SRRT: variants seen among roughly 807,000 people sequenced by gnomAD.
SRRT encodes serrate RNA effector molecule homolog.
SRRT carries 32 observed loss-of-function variants against 103.2 expected under a neutral mutation model. The ratio of observed to expected loss-of-function variants is 0.31; its 90% CI spans 0.23 to 0.42. SRRT has a LOEUF of 0.42. Among genes scored for constraint, SRRT ranks in the 10% least tolerant of loss-of-function variants. SRRT has a pLI of 1.00. For synonymous variants in SRRT, 525 were observed against 449.0 expected (o/e 1.17, Z -2.14); for missense variants, 986 against 1,207.5 (o/e 0.82, Z 2.72).
Position 100,888,657 on chromosome 7 carries a change from C to T in SRRT, c.*108C>T. On this transcript the variant is annotated 3_prime_UTR_variant, in exon 20 of 20. Coordinates refer to ENST00000611405, the MANE Select transcript of SRRT (RefSeq NM_015908.6). ...AGCCTTACTGCTAATAAAAGCACTT[C>T]CACAGGGCTCCTGACTCTCGTGTGT... 1 of 1,480,270 alleles carries T rather than the reference C, an allele frequency of 6.8e-7. No individual in the cohort carries two copies. Among genetic ancestry groups the T allele is most frequent in the Non-Finnish European group, 9.4e-7 (1 of 1,061,284 alleles). The allele number at this position is 1,480,270 out of a possible 1,614,324, so 91.7% of individuals were successfully genotyped here.
chr7:100,880,541 G>T (rs1816198709), intron 2 of SRRT, among the ~76,000 whole-genome samples: 1 of 152,124 alleles, frequency 6.6e-6, no homozygotes, highest in South Asian at 2.1e-4. Context: ...TCCTGACCTC[G>T]TGATCCGCCC....
chr7:100,883,593 A>G (rs775684826), intron 5 of SRRT, among the ~76,000 whole-genome samples: 51 of 152,186 alleles, frequency 3.4e-4, no homozygotes, highest in Non-Finnish European at 2.9e-4. Context: ...GGCTTTTGCT[A>G]TCTGGCCCTC....
At position 100,884,441 on chromosome 7, in the gene SRRT, A is replaced by G; in HGVS notation, c.831A>G (p.Ala277=). ...ILEQEEEEEQ[A]GKPGEPSKKE... ...AGCAGGAGGAGGAGGAGGAGCAGGC[A>G]GGAAAGCCTGGGGAGCCCAGCAAGA... Residue 277 remains alanine, a synonymous_variant, in exon 7 of 20, where the codon GCA becomes GCG. Coordinates refer to ENST00000611405, the MANE Select transcript of SRRT (RefSeq NM_015908.6). The G allele has an allele frequency of 6.2e-7, 1 of 1,613,586 alleles. No homozygotes were observed. The highest frequency in any genetic ancestry group is 8.5e-7 in the Non-Finnish European group (1 of 1,179,668).
rs773654969 is a variant in SRRT at position 100,885,987 on chromosome 7, G to C, written c.1458+46G>C. 1 of 1,589,392 alleles carries C rather than the reference G, an allele frequency of 6.3e-7. No individual in the cohort carries two copies. Among genetic ancestry groups the C allele is most frequent in the Non-Finnish European group, 8.6e-7 (1 of 1,158,726 alleles). ...TGTGGGGAAGAGGAAGGGAGACTCT[G>C]TGCCACACGGGACCTCTGTGTGACT... is the stretch of plus-strand genomic sequence containing the variant. On this transcript the variant is annotated intron_variant, in intron 12 of 19. Transcript: ENST00000611405. This position sits in a 1 kb window ranked among gnomAD's most constrained non-coding sequence, Gnocchi z 4.8.
chr7:100,876,185 C>T (rs1269083725), intron 2 of SRRT, among the ~76,000 whole-genome samples: 1 of 151,976 alleles, frequency 6.6e-6, no homozygotes, highest in Non-Finnish European at 1.5e-5. Context: ...AGAGTCTTGC[C>T]CTGTCGCCCA....
In SRRT at chr7:100,885,950, T is replaced by G. The variant is rs1424170268; in HGVS notation, c.1458+9T>G. ...ACCTGCAGAACATCCGTGTGAGTGC[T>G]GGGGGTGGGACTGTGGGGAAGAGGA... is the stretch of plus-strand genomic sequence containing the variant. On this transcript the variant is annotated intron_variant, in intron 12 of 19. Transcript: ENST00000611405. This position sits in a 1 kb window ranked among gnomAD's most constrained non-coding sequence, Gnocchi z 4.8. 1.2e-6 allele frequency: 2 copies of G among 1,613,694 alleles called. No homozygotes were observed. Among genetic ancestry groups the G allele is most frequent in the Non-Finnish European group, 1.7e-6 (2 of 1,179,940 alleles).
rs760486875 is a variant in SRRT at position 100,887,486 on chromosome 7, G to A, written c.2142G>A (p.Leu714=). 1.2e-6 allele frequency: 2 copies of A among 1,614,204 alleles called. No individual in the cohort carries two copies. The highest frequency in any genetic ancestry group is 1.3e-5 in the African/African-American group (1 of 75,064). ...AGGAACTGGGCAAGGATAAGTGGCT[G>A]TGTCCTCTCAGTGGCAAGAAATTCA... ...NTQELGKDKW[L]CPLSGKKFKG... The change falls in exon 16 of 20, where the codon CTG becomes CTA. Residue 714 remains leucine, a synonymous_variant. Coordinates refer to ENST00000611405, the MANE Select transcript of SRRT (RefSeq NM_015908.6). The surrounding 1 kb of genome is among the most constrained non-coding windows in gnomAD (Gnocchi z 4.1).
intron 13 of SRRT, 29 bp from the exon 14 acceptor site, chr7:100,886,766 G>A (rs754241271): frequency 1.4e-5 from 23 of 1,612,844 alleles, no homozygotes; most frequent in Non-Finnish European, 2.0e-5. Context: ...GGTCTTCTCT[G>A]CCTTACTTGC....
At chr7:100,876,292 C>G (rs1482277465) in intron 2 of SRRT, among the ~76,000 whole-genome samples, 1 of 152,182 alleles carries the variant, frequency 6.6e-6, no homozygotes, top group Non-Finnish European at 1.5e-5. Flanking sequence ...GCTGGGATTA[C>G]AGGCACCTGC....
chr7:100,876,085 T>A (rs1050543123), intron 2 of SRRT: 5 of 211,612 alleles, frequency 2.4e-5, no homozygotes, highest in South Asian at 1.8e-4. Flanking sequence ...CAACCGAGCC[T>A]CCCGCCTCAG....
rs1391763653 is a variant in SRRT at position 100,882,422 on chromosome 7, C to CCCGCCCCGCCCT, written c.587+182_587+193dup. ...CCTCACTTCAGCAACTGCCACGGCCCCCGCCCCGCCCTGTCTCCTGTCCTG... is the reference window on the plus strand; with the variant it reads ...CCTCACTTCAGCAACTGCCACGGCCCCCGCCCCGCCCTCCGCCCCGCCCTGTCTCCTGTCCTG... On this transcript the variant is annotated intron_variant, in intron 5 of 19. Coordinates refer to ENST00000611405, the MANE Select transcript of SRRT (RefSeq NM_015908.6). This position sits in a 1 kb window ranked among gnomAD's most constrained non-coding sequence, Gnocchi z 4.2. 1.6e-6 allele frequency: 1 copy of CCCGCCCCGCCCT among 624,812 alleles called. No homozygotes were observed. Among genetic ancestry groups the CCCGCCCCGCCCT allele is most frequent in the Non-Finnish European group, 2.7e-6 (1 of 370,182 alleles). 38.7% of individuals were successfully genotyped at this position (624,812 alleles called of 1,614,324 possible). A position where few individuals can be genotyped will look rare whatever the true frequency, so the allele number is the denominator to read the frequency against.
Position 100,887,650 on chromosome 7 carries a change from G to T in SRRT, c.2170-53G>T, listed in dbSNP as rs950465965. On this transcript the variant is annotated intron_variant, in intron 16 of 19. Transcript: ENST00000611405. The surrounding 1 kb of genome is among the most constrained non-coding windows in gnomAD (Gnocchi z 4.1). ...GGGAATCCTTCCAGCTCGGGCCTGG[G>T]AGCGAGGCAACCCTTATGTGGCTGT... The T allele has an allele frequency of 6.3e-6, 10 of 1,584,602 alleles. No individual in the cohort carries two copies. The highest frequency in any genetic ancestry group is 8.6e-6 in the Non-Finnish European group (10 of 1,160,352).
At chr7:100,878,322 AG>A (rs1815949164) in intron 2 of SRRT, among the ~76,000 whole-genome samples, 1 of 151,944 alleles carries the variant, frequency 6.6e-6, no homozygotes, top group African/African-American at 2.4e-5. Flanking sequence ...AAAAAAAAAA[AG>A]GAAATTAAAA....
intron 2 of SRRT, among the ~76,000 whole-genome samples, chr7:100,879,362 G>A (rs1816063958): frequency 1.3e-5 from 2 of 152,188 alleles, no homozygotes; most frequent in South Asian, 4.1e-4. Flanking sequence ...GCCTCCCAAA[G>A]TGCTAGCATT....
chr7:100,881,920 G>A, intron 4 of SRRT, 115 bp downstream of exon 4: 2 of 1,474,216 alleles, frequency 1.4e-6, no homozygotes, highest in Non-Finnish European at 1.8e-6. Context: ...TGTCCCTGGG[G>A]TAGGGGTGGT....
rs747406605 is a variant in SRRT at position 100,888,643 on chromosome 7, TAATAAA to T, written c.*96_*101del. The T allele has an allele frequency of 8.5e-6, 13 of 1,530,408 alleles. No homozygotes were observed. The highest frequency in any genetic ancestry group is 1.2e-5 in the Non-Finnish European group (13 of 1,105,712). 94.8% of individuals were successfully genotyped at this position (1,530,408 alleles called of 1,614,324 possible). A position where few individuals can be genotyped will look rare whatever the true frequency, so the allele number is the denominator to read the frequency against. On this transcript the variant is annotated 3_prime_UTR_variant, in exon 20 of 20. Transcript: ENST00000611405. ...TTTTTTGTACGATCAGCCTTACTGCTAATAAAAGCACTTCCACAGGGCTCCTGACTC... is the reference window on the plus strand; with the variant it reads ...TTTTTTGTACGATCAGCCTTACTGCTAGCACTTCCACAGGGCTCCTGACTC...
chr7:100,886,907 A>G lies in SRRT; in HGVS notation c.1760A>G (p.Glu587Gly). The G allele has an allele frequency of 6.2e-7, 1 of 1,613,806 alleles. No homozygotes were observed. The highest frequency in any genetic ancestry group is 8.5e-7 in the Non-Finnish European group (1 of 1,179,912). The change falls in exon 14 of 20, where the codon GAG becomes GGG. Residue 587 changes from glutamate (E) to glycine (G), a missense_variant. Glu to Gly is a moderately conservative substitution (Grantham distance 98). Coordinates refer to ENST00000611405, the MANE Select transcript of SRRT (RefSeq NM_015908.6). ...LGSSGGAPPE[E>G]PPKEGNPAEI... is the part of the protein sequence containing the mutation. ...AGCAGCGGGGGCGCTCCTCCTGAGGAGCCTCCTAAGGAAGGGAACCCGGCA... is the reference window on the plus strand; with the variant it reads ...AGCAGCGGGGGCGCTCCTCCTGAGGGGCCTCCTAAGGAAGGGAACCCGGCA...
Position 100,888,297 on chromosome 7 carries a change from A to G in SRRT, c.2469A>G (p.Pro823=). The G allele has an allele frequency of 6.2e-7, 1 of 1,613,738 alleles. No homozygotes were observed. Among genetic ancestry groups the G allele is most frequent in the East Asian group, 2.2e-5 (1 of 44,866 alleles). The change falls in exon 19 of 20, where the codon CCA becomes CCG. Residue 823 remains proline (P), a synonymous_variant. Transcript: ENST00000611405. Reference sequence around the variant, plus strand: ...CTGCAGTCCCCACAGGAGGCCCTCCATACCCCCATGCCCCGTATGGTGCTG... The same window carrying G: ...CTGCAGTCCCCACAGGAGGCCCTCCGTACCCCCATGCCCCGTATGGTGCTG... ...VRPAVPTGGP[P]YPHAPYGAGR...
In SRRT at chr7:100,886,308, T is replaced by A; in HGVS notation, c.1520T>A (p.Ile507Asn). The A allele has an allele frequency of 1.2e-6, 2 of 1,613,582 alleles. No individual in the cohort carries two copies. The highest frequency in any genetic ancestry group is 1.7e-6 in the Non-Finnish European group (2 of 1,180,018). Reference protein sequence around the residue: ...NRDLTRRVRNINGITQHKQIV... With the variant: ...NRDLTRRVRNNNGITQHKQIV... ...GACCTGACCCGGCGCGTTCGCAACA[T>A]CAACGGCATCACCCAGCACAAGCAG... The change falls in exon 13 of 20, where the codon ATC becomes AAC. Residue 507 changes from isoleucine (I) to asparagine (N), a missense_variant. Ile to Asn is a moderately radical substitution (Grantham distance 149). Coordinates refer to ENST00000611405, the MANE Select transcript of SRRT (RefSeq NM_015908.6).
Sources: gnomAD v4.1 joint callset for allele counts (sites outside exome capture counted in the v4.1 genomes callset) on GRCh38, gnomAD v4.1.1 for gene constraint, Gnocchi (gnomAD v3.1) non-coding constraint, MANE v1.5 for transcripts, NCBI Gene and HGNC (gene_info 2026-07-23, HGNC 2026-07-21) for gene names.